The following ZRANB3 variants were observed in gnomAD, a reference collection of about 807,000 sequenced individuals.
ZRANB3 encodes DNA annealing helicase and endonuclease ZRANB3.
A neutral mutation model predicts 133.8 loss-of-function variants in ZRANB3; 125 were observed. The observed-to-expected ratio is 0.93, with a 90% CI of 0.81 to 1.08. The LOEUF (loss-of-function observed/expected upper bound fraction) is 1.08, where lower values mean the gene tolerates loss of function less well. Ranked by LOEUF, ZRANB3 falls within the 50% of genes least tolerant of loss-of-function variation. The pLI is 0.00. For synonymous variants in ZRANB3, 387 were observed against 432.7 expected, an observed-to-expected ratio of 0.89 and a Z score of 1.31; for missense variants, 1,229 against 1,275.5, an observed-to-expected ratio of 0.96 and a Z score of 0.56.
At chr2:135,511,523 A>T in intron 1 of ZRANB3, 1 of 1,026,918 alleles carries the variant, frequency 9.7e-7, no homozygotes, top group Non-Finnish European at 1.5e-6. Context: ...TCAGTGACAA[A>T]CCCACCAAAG....
chr2:135,457,143 G>A (rs769464289), intron 2 of ZRANB3, among the ~76,000 whole-genome samples: 2 of 152,182 alleles, frequency 1.3e-5, no homozygotes, highest in South Asian at 4.1e-4. Context: ...ATGTGATACA[G>A]TGTATTAGTA....
At chr2:135,495,971 C>T (rs1386658639) in intron 2 of ZRANB3, among the ~76,000 whole-genome samples, 1 of 152,060 alleles carries the variant, frequency 6.6e-6, no homozygotes, top group Non-Finnish European at 1.5e-5. Flanking sequence ...GTAAGCCTAC[C>T]TAAAAATGAA....
At chr2:135,427,178 A>C (rs1437293854) in intron 2 of ZRANB3, among the ~76,000 whole-genome samples, 3 of 151,474 alleles carry the variant, frequency 2.0e-5, no homozygotes, top group African/African-American at 7.3e-5. Context: ...CACTCTCACC[A>C]CTCCTATTCC....
At chr2:135,487,826 A>G (rs1203837168) in intron 2 of ZRANB3, among the ~76,000 whole-genome samples, 1 of 152,236 alleles carries the variant, frequency 6.6e-6, no homozygotes, top group Non-Finnish European at 1.5e-5. Flanking sequence ...CACATCTGCA[A>G]TAAGACTGTT....
chr2:135,522,164 G>A (rs911738410), intron 1 of ZRANB3, among the ~76,000 whole-genome samples: 8 of 152,132 alleles, frequency 5.3e-5, no homozygotes, highest in East Asian at 1.9e-4. Context: ...TTAGACACAC[G>A]CCTTTGCTCA....
chr2:135,247,058 A>G (rs1162194179), intron 12 of ZRANB3, among the ~76,000 whole-genome samples: 1 of 152,346 alleles, frequency 6.6e-6, no homozygotes, highest in African/African-American at 2.4e-5. Flanking sequence ...CACTGATGTC[A>G]AGTTTAATAG....
intron 2 of ZRANB3, among the ~76,000 whole-genome samples, chr2:135,460,053 G>T (rs1056859886): frequency 1.3e-5 from 2 of 152,032 alleles, no homozygotes; most frequent in African/African-American, 4.8e-5. Context: ...ATATTCAAGG[G>T]TGTAAAGGTG....
intron 2 of ZRANB3, among the ~76,000 whole-genome samples, chr2:135,454,838 CT>C (rs1486030216): frequency 6.6e-6 from 1 of 152,162 alleles, no homozygotes; most frequent in Non-Finnish European, 1.5e-5. Flanking sequence ...CACTCATTGG[CT>C]GATGGGCACT....
At chr2:135,296,481 A>G (rs1256204256) in intron 8 of ZRANB3, among the ~76,000 whole-genome samples, 1 of 151,538 alleles carries the variant, frequency 6.6e-6, no homozygotes, top group African/African-American at 2.4e-5. Flanking sequence ...CCATTCGTCT[A>G]ATTTTTTTTT....
At chr2:135,432,915 AT>A (rs765535499) in intron 2 of ZRANB3, among the ~76,000 whole-genome samples, 13 of 152,186 alleles carry the variant, frequency 8.5e-5, no homozygotes, top group Non-Finnish European at 1.8e-4. Flanking sequence ...TCAAATAGTC[AT>A]GGCTATTTGG....
At chr2:135,296,819 T>C (rs956504828) in intron 8 of ZRANB3, among the ~76,000 whole-genome samples, 15 of 152,216 alleles carry the variant, frequency 9.9e-5, no homozygotes, top group African/African-American at 3.1e-4. Flanking sequence ...GCTGCAGGTC[T>C]GTTGGAGATT....
Position 135,230,123 on chromosome 2 carries a change from C to T in ZRANB3, c.1954+390G>A, listed in dbSNP as rs111996673. ...TTGCCATTTAAACATAAAAATAATC[C>T]ACAATTTCCTTAAAAACAAGTATTA... On this transcript the variant is annotated intron_variant, in intron 13 of 20. Transcript: ENST00000264159. Among the ~76,000 whole-genome samples, 453 of 152,168 alleles carry T rather than the reference C, an allele frequency of 3.0e-3. 3 individuals are homozygous for T. Among genetic ancestry groups the T allele is most frequent in the African/African-American group, 0.01 (422 of 41,518 alleles).
chr2:135,418,321 C>A (rs955319963), intron 2 of ZRANB3, among the ~76,000 whole-genome samples: 3 of 152,144 alleles, frequency 2.0e-5, no homozygotes, highest in African/African-American at 7.2e-5. Flanking sequence ...TTCGTATCCA[C>A]TGGAGTACTA....
At chr2:135,498,889 C>G (rs1278515693) in intron 2 of ZRANB3, among the ~76,000 whole-genome samples, 1 of 152,200 alleles carries the variant, frequency 6.6e-6, no homozygotes, top group Non-Finnish European at 1.5e-5. Flanking sequence ...TGTCTTCTCT[C>G]AAACCCTGTC....
intron 2 of ZRANB3, among the ~76,000 whole-genome samples, chr2:135,441,690 A>G (rs1689786488): frequency 2.6e-5 from 4 of 152,248 alleles, no homozygotes; most frequent in Admixed American, 2.0e-4. Flanking sequence ...TGAAACGGCT[A>G]TATTTTACCA....
intron 2 of ZRANB3, among the ~76,000 whole-genome samples, chr2:135,415,823 AATCCAGC>A (rs1461010764): frequency 2.6e-5 from 4 of 152,176 alleles, no homozygotes; most frequent in Non-Finnish European, 4.4e-5. Flanking sequence ...CAATAAATGT[AATCCAGC>A]ATATAAACAG....
chr2:135,235,856 C>G (rs1484471632), intron 12 of ZRANB3, among the ~76,000 whole-genome samples: 3 of 150,832 alleles, frequency 2.0e-5, no homozygotes, highest in African/African-American at 7.3e-5. Context: ...AAACTGGAAG[C>G]ATTCCCTTTG....
At chr2:135,501,004 G>A (rs532499123) in intron 2 of ZRANB3, among the ~76,000 whole-genome samples, 1 of 152,158 alleles carries the variant, frequency 6.6e-6, no homozygotes, top group African/African-American at 2.4e-5. Context: ...GAATAGCTGA[G>A]AATTTCCTAG....
intron 12 of ZRANB3, 68 bp from the exon 13 acceptor site, chr2:135,230,995 C>CT: frequency 7.1e-7 from 1 of 1,407,144 alleles, no homozygotes; most frequent in Non-Finnish European, 9.4e-7. Context: ...CATAAAAGAG[C>CT]TTAACAAAAT....
Sources: gnomAD v4.1 joint callset for allele counts (sites outside exome capture counted in the v4.1 genomes callset) on GRCh38, gnomAD v4.1.1 for gene constraint, MANE v1.5 for transcripts, NCBI Gene and HGNC (gene_info 2026-07-23, HGNC 2026-07-21) for gene names.